Variants in LDLRAD3 observed in about 807,000 individuals in gnomAD.
LDLRAD3 encodes the protein low-density lipoprotein receptor class A domain-containing protein 3.
A neutral mutation model predicts 29.4 loss-of-function variants in LDLRAD3; 20 were observed. That is an observed-to-expected ratio of 0.68 (90% CI 0.48 to 0.99). LDLRAD3 has a LOEUF of 0.99. Ranked by LOEUF, LDLRAD3 falls within the 50% of genes least tolerant of loss-of-function variation. The pLI is 0.00. For missense variants in LDLRAD3, 420 were observed against 454.3 expected, an observed-to-expected ratio of 0.92 and a Z score of 0.69; for synonymous variants, 157 against 192.7, an observed-to-expected ratio of 0.81 and a Z score of 1.53.
At chr11:36,187,400 C>T (rs1468879425) in intron 4 of LDLRAD3, among the ~76,000 whole-genome samples, 1 of 151,676 alleles carries the variant, frequency 6.6e-6, no homozygotes, top group Non-Finnish European at 1.5e-5. Context: ...AGAAAAATAC[C>T]TACACATATA....
intron 1 of LDLRAD3, among the ~76,000 whole-genome samples, chr11:35,985,280 C>T (rs1029513855): frequency 2.0e-5 from 3 of 152,182 alleles, no homozygotes; most frequent in African/African-American, 7.2e-5. Flanking sequence ...CTGTCTGGTT[C>T]TGTGGATTCC....
chr11:36,148,122 G>A (rs1356247842), intron 4 of LDLRAD3, among the ~76,000 whole-genome samples: 3 of 152,022 alleles, frequency 2.0e-5, no homozygotes, highest in Admixed American at 6.5e-5. Context: ...TGCCCACCTC[G>A]GCCTCCCAAA....
At chr11:36,039,587 T>C (rs1264914233) in intron 2 of LDLRAD3, among the ~76,000 whole-genome samples, 2 of 152,194 alleles carry the variant, frequency 1.3e-5, no homozygotes, top group Non-Finnish European at 1.5e-5. Flanking sequence ...TTAACTGCTA[T>C]TGGTTAAATC....
At chr11:36,001,673 C>T (rs953115555) in intron 1 of LDLRAD3, among the ~76,000 whole-genome samples, 2 of 151,778 alleles carry the variant, frequency 1.3e-5, no homozygotes, top group Non-Finnish European at 1.5e-5. Context: ...TTAGAAAATA[C>T]AGTTGGAAAG....
intron 3 of LDLRAD3, among the ~76,000 whole-genome samples, chr11:36,094,907 G>A (rs909111117): frequency 2.0e-5 from 3 of 152,186 alleles, no homozygotes; most frequent in Non-Finnish European, 4.4e-5. Flanking sequence ...TTCTTCAAGA[G>A]TCTTGCAGTG....
chr11:35,980,333 G>C (rs1244266428), intron 1 of LDLRAD3, among the ~76,000 whole-genome samples: 1 of 152,148 alleles, frequency 6.6e-6, no homozygotes, highest in African/African-American at 2.4e-5. Context: ...ATTGGGATGG[G>C]CGTTATACGG....
intron 4 of LDLRAD3, among the ~76,000 whole-genome samples, chr11:36,121,864 C>T (rs949981439): frequency 2.0e-5 from 3 of 152,224 alleles, no homozygotes; most frequent in Non-Finnish European, 4.4e-5. Flanking sequence ...CACCTGCCAT[C>T]GGGTAAAGAG....
intron 4 of LDLRAD3, among the ~76,000 whole-genome samples, chr11:36,144,119 C>G (rs902129869): frequency 2.0e-5 from 3 of 151,990 alleles, no homozygotes; most frequent in Non-Finnish European, 2.9e-5. Context: ...TTGGTGGAGA[C>G]GGGGTTTCGC....
rs905981906 is a variant in LDLRAD3, at chr11:35,944,857, C to A, written c.46+713C>A. ...GGACACGGGGCTTCATCCGGCGGCC[C>A]TTTGAACCTGGCATCACCACCGCGT... On this transcript the variant is annotated intron_variant, in intron 1 of 5. Transcript: ENST00000315571. The surrounding 1 kb of genome is among the most constrained non-coding windows in gnomAD (Gnocchi z 4.9). Among the ~76,000 whole-genome samples, 5 of 152,210 alleles carry A rather than the reference C, an allele frequency of 3.3e-5. No homozygotes were observed. The highest frequency in any genetic ancestry group is 1.2e-4 in the African/African-American group (5 of 41,462).
At chr11:36,142,845 T>C (rs1014859020) in intron 4 of LDLRAD3, among the ~76,000 whole-genome samples, 1 of 152,128 alleles carries the variant, frequency 6.6e-6, no homozygotes, top group African/African-American at 2.4e-5. Flanking sequence ...GATTTTTAAA[T>C]ATTGAAGGAA....
intron 4 of LDLRAD3, among the ~76,000 whole-genome samples, chr11:36,225,371 C>T (rs1020280187): frequency 6.6e-6 from 1 of 152,206 alleles, no homozygotes; most frequent in African/African-American, 2.4e-5. Context: ...CTGGTTTCCT[C>T]CACCTGCCTG....
At chr11:36,056,835 G>A (rs1050120631) in intron 2 of LDLRAD3, among the ~76,000 whole-genome samples, 8 of 152,088 alleles carry the variant, frequency 5.3e-5, no homozygotes, top group East Asian at 1.9e-4. Context: ...GAGGGTACAC[G>A]ATACCTCTCC....
chr11:36,031,228 A>G lies in LDLRAD3; in HGVS notation c.47-4875A>G, dbSNP rs915559179. 3.5e-4 allele frequency among the ~76,000 whole-genome samples: 53 copies of G among 152,296 alleles called. 1 individual carries two copies. Among genetic ancestry groups the G allele is most frequent in the African/African-American group, 1.1e-3 (46 of 41,566 alleles). ...AACCCCAGCTAGCCAACTTCGTGCT[A>G]ATGCTTGTCTTTTTTGGATTCTAAA... On this transcript the variant is annotated intron_variant, in intron 1 of 5. Transcript: ENST00000315571.
At chr11:36,161,747 G>A (rs12269916) in intron 4 of LDLRAD3, among the ~76,000 whole-genome samples, 22,378 of 152,106 alleles carry the variant, frequency 0.15, 2,310 homozygotes, top group East Asian at 0.31. Context: ...TTTAGCCACT[G>A]TATCAACACA....
chr11:36,199,800 A>C (rs1433201306), intron 4 of LDLRAD3, among the ~76,000 whole-genome samples: 1 of 152,216 alleles, frequency 6.6e-6, no homozygotes, highest in African/African-American at 2.4e-5. Flanking sequence ...AAAATGAATA[A>C]AGTGAGTAAC....
At chr11:36,129,500 G>A (rs1456889198) in intron 4 of LDLRAD3, among the ~76,000 whole-genome samples, 1 of 152,188 alleles carries the variant, frequency 6.6e-6, no homozygotes, top group Non-Finnish European at 1.5e-5. Context: ...AGGTGAGCCA[G>A]TATCAAATCC....
chr11:36,031,685 C>T (rs1852237631), intron 1 of LDLRAD3, among the ~76,000 whole-genome samples: 1 of 152,158 alleles, frequency 6.6e-6, no homozygotes, highest in Non-Finnish European at 1.5e-5. Flanking sequence ...TAAAGGAAAA[C>T]AGGACACTAC....
rs145903160 is a variant in LDLRAD3 at position 36,000,500 on chromosome 11, A to G, written c.47-35603A>G. On this transcript the variant is annotated intron_variant, in intron 1 of 5. Transcript: ENST00000315571. The stretch of plus-strand genomic sequence containing the variant: ...CTCAGTAATATTTTATTACTTAAAA[A>G]AGATAGGAAATGATGGCAGAATACT... Among the ~76,000 whole-genome samples the G allele has an allele frequency of 3.0e-3, 453 of 152,220 alleles. 3 individuals carry two copies. The highest frequency in any genetic ancestry group is 0.011 in the African/African-American group (441 of 41,552).
At chr11:36,149,662 G>A (rs1283509734) in intron 4 of LDLRAD3, among the ~76,000 whole-genome samples, 1 of 152,176 alleles carries the variant, frequency 6.6e-6, no homozygotes, top group Non-Finnish European at 1.5e-5. Flanking sequence ...GGCTCCCAGC[G>A]CTGTAGTGTC....
Sources: gnomAD v4.1 joint callset for allele counts (sites outside exome capture counted in the v4.1 genomes callset) on GRCh38, gnomAD v4.1.1 for gene constraint, Gnocchi (gnomAD v3.1) non-coding constraint, MANE v1.5 for transcripts, NCBI Gene and HGNC (gene_info 2026-07-23, HGNC 2026-07-21) for gene names.